STX18: variants seen among roughly 807,000 people sequenced by gnomAD.
STX18 encodes the protein syntaxin 18.
STX18 carries 40 observed loss-of-function variants against 50.1 expected under a neutral mutation model. That is an observed-to-expected ratio of 0.80 (90% CI 0.62 to 1.04). STX18 has a LOEUF of 1.04. Ranked by LOEUF, STX18 falls within the 50% of genes least tolerant of loss-of-function variation. The pLI, the probability that STX18 is intolerant of heterozygous loss-of-function variation, is 0.00. For missense variants in STX18, 410 were observed against 415.8 expected (o/e 0.99, Z 0.12); for synonymous variants, 158 against 151.8 (o/e 1.04, Z -0.30).
chr4:4,492,456 A>T (rs941342119), intron 1 of STX18, among the ~76,000 whole-genome samples: 62 of 152,294 alleles, frequency 4.1e-4, no homozygotes, highest in African/African-American at 1.4e-3. Context: ...GAAACACAGG[A>T]TTCAAACAGT....
At position 4,491,976 on chromosome 4, in the gene STX18, G is replaced by C. The variant is rs1728962170; in HGVS notation, c.169-20270C>G. ...AATCTCAGTTCATTTTTTAAAATGA[G>C]GTCTATTTCCTGTAATTTTAGATAT... On this transcript the variant is annotated intron_variant, in intron 1 of 10. Coordinates refer to ENST00000306200, the MANE Select transcript of STX18 (RefSeq NM_016930.4). 2.0e-5 allele frequency among the ~76,000 whole-genome samples: 3 copies of C among 152,004 alleles called. 1 individual carries two copies. In the Middle Eastern group the frequency reaches 0.01, roughly 521 times the overall value.
intron 1 of STX18, among the ~76,000 whole-genome samples, chr4:4,527,688 A>G (rs1730833682): frequency 6.6e-6 from 1 of 151,208 alleles, no homozygotes; most frequent in Non-Finnish European, 1.5e-5. Flanking sequence ...CTGCCACGTC[A>G]CTGAGAGAAA....
At chr4:4,467,701 T>TA (rs1727688630) in intron 2 of STX18, among the ~76,000 whole-genome samples, 1 of 109,126 alleles carries the variant, frequency 9.2e-6, no homozygotes, top group African/African-American at 3.6e-5. Flanking sequence ...TCAGAGTACC[T>TA]AACACAGAAT....
At chr4:4,449,373 G>A (rs897402566) in intron 5 of STX18, among the ~76,000 whole-genome samples, 3 of 151,796 alleles carry the variant, frequency 2.0e-5, no homozygotes, top group African/African-American at 7.3e-5. Context: ...ACTCTATTTT[G>A]ACCAGTTATC....
intron 1 of STX18, among the ~76,000 whole-genome samples, chr4:4,541,270 T>C (rs1020408991): frequency 3.3e-5 from 5 of 152,208 alleles, no homozygotes; most frequent in Non-Finnish European, 5.9e-5. Context: ...TAACACTGTG[T>C]TTGCGAAAGA....
intron 1 of STX18, among the ~76,000 whole-genome samples, chr4:4,526,124 C>T (rs898353097): frequency 6.6e-6 from 1 of 152,112 alleles, no homozygotes; most frequent in African/African-American, 2.4e-5. Flanking sequence ...ATGAGCGGTA[C>T]TGAGCGCTTC....
At chr4:4,507,567 AC>A in intron 1 of STX18, 1 of 764,068 alleles carries the variant, frequency 1.3e-6, no homozygotes. Context: ...GTGCACTCTG[AC>A]AGCTGTGCAC....
chr4:4,436,124 G>T (rs1577319828), intron 6 of STX18, among the ~76,000 whole-genome samples: 1 of 152,188 alleles, frequency 6.6e-6, no homozygotes, highest in Admixed American at 6.5e-5. Context: ...TTAAATAGGG[G>T]AAGAGAACGT....
chr4:4,479,513 C>G (rs1354056394), intron 1 of STX18, among the ~76,000 whole-genome samples: 2 of 152,124 alleles, frequency 1.3e-5, no homozygotes, highest in African/African-American at 2.4e-5. Context: ...AACTAACAGC[C>G]ACAATCCAGG....
At chr4:4,505,163 G>A (rs1178994231) in intron 1 of STX18, among the ~76,000 whole-genome samples, 2 of 152,118 alleles carry the variant, frequency 1.3e-5, no homozygotes, top group Admixed American at 6.5e-5. Context: ...ATATACAGCA[G>A]TTCCTTCACT....
intron 1 of STX18, among the ~76,000 whole-genome samples, chr4:4,527,089 G>A (rs1730804204): frequency 6.6e-6 from 1 of 152,070 alleles, no homozygotes; most frequent in Non-Finnish European, 1.5e-5. Flanking sequence ...AATTGGGGCT[G>A]TAAAGTACCC....
intron 7 of STX18, 140 bp downstream of exon 7, chr4:4,434,630 T>G (rs573065250): frequency 1.6e-6 from 1 of 639,686 alleles, no homozygotes; most frequent in Admixed American, 3.8e-5. Context: ...AATGGGAAAG[T>G]GTATATAAAA....
chr4:4,487,113 AAC>A (rs368252347), intron 1 of STX18, among the ~76,000 whole-genome samples: 8 of 150,622 alleles, frequency 5.3e-5, no homozygotes, highest in East Asian at 1.9e-4. Context: ...AACACTGTTC[AAC>A]ACACACACAC....
At chr4:4,484,389 C>T (rs1395028935) in intron 1 of STX18, among the ~76,000 whole-genome samples, 3 of 152,216 alleles carry the variant, frequency 2.0e-5, no homozygotes, top group Admixed American at 2.0e-4. Flanking sequence ...CTTCATGTCA[C>T]TGAGTCGAGC....
chr4:4,507,951 T>C (rs1729805566), intron 1 of STX18, among the ~76,000 whole-genome samples: 1 of 152,062 alleles, frequency 6.6e-6, no homozygotes, highest in African/African-American at 2.4e-5. Flanking sequence ...TCGGTCACCA[T>C]GCCACAGAGG....
intron 3 of STX18, among the ~76,000 whole-genome samples, chr4:4,458,825 T>C (rs1727215398): frequency 6.6e-6 from 1 of 152,216 alleles, no homozygotes. Flanking sequence ...CAGAGGGCTA[T>C]ATGGCTCGGA....
At chr4:4,509,706 A>T (rs551717156) in intron 1 of STX18, among the ~76,000 whole-genome samples, 1 of 152,350 alleles carries the variant, frequency 6.6e-6, no homozygotes, top group Non-Finnish European at 1.5e-5. Context: ...AAAGTAATGC[A>T]AAGTAAGGGA....
At chr4:4,535,403 G>A (rs917519878) in intron 1 of STX18, among the ~76,000 whole-genome samples, 9 of 152,164 alleles carry the variant, frequency 5.9e-5, no homozygotes, top group African/African-American at 2.2e-4. Context: ...CTGCAGTGCT[G>A]AGCTCTCCTT....
chr4:4,435,914 G>C (rs895665305), intron 6 of STX18, among the ~76,000 whole-genome samples: 2 of 152,222 alleles, frequency 1.3e-5, no homozygotes, highest in African/African-American at 4.8e-5. Flanking sequence ...GTAGGGTTGG[G>C]AGCGGAGGGG....
Sources: gnomAD v4.1 joint callset for allele counts (sites outside exome capture counted in the v4.1 genomes callset) on GRCh38, gnomAD v4.1.1 for gene constraint, MANE v1.5 for transcripts, NCBI Gene and HGNC (gene_info 2026-07-23, HGNC 2026-07-21) for gene names.